The following ZNF570 variants were observed in gnomAD, a reference collection of about 807,000 sequenced individuals.
ZNF570 encodes the protein zinc finger protein 570.
ZNF570 carries 8 observed loss-of-function variants against 14.2 expected under a neutral mutation model. The observed-to-expected ratio is 0.56, with a 90% CI of 0.33 to 1.02. The LOEUF is 1.02. Ranked by LOEUF, ZNF570 falls within the 50% of genes least tolerant of loss-of-function variation. The pLI is 0.03. For missense variants in ZNF570, 559 were observed against 624.9 expected (o/e 0.89, Z 1.12); for synonymous variants, 202 against 207.6 (o/e 0.97, Z 0.23).
chr19:37,468,788 G>T (rs1363776119), upstream of ZNF570, among the ~76,000 whole-genome samples: 1 of 152,218 alleles, frequency 6.6e-6, no homozygotes, highest in Non-Finnish European at 1.5e-5. Flanking sequence ...TTACAGGCGT[G>T]AGCCACCGTG....
In ZNF570 at chr19:37,486,520, G is replaced by C. The variant is rs187776607; in HGVS notation, c.*1287G>C. 1 of 152,262 alleles carries C rather than the reference G, an allele frequency of 6.6e-6. No individual in the cohort carries two copies. The highest frequency in any genetic ancestry group is 1.9e-4 in the East Asian group (1 of 5,184). The allele number at this position is 152,262 out of a possible 1,614,324, so 9.4% of individuals were successfully genotyped here. On this transcript the variant is annotated 3_prime_UTR_variant, in exon 5 of 5. Transcript: ENST00000330173. ...AATGATAATAGCTAACATGTATTGAGTGCCCACTACACATCAGGCACTGTC... is the reference window on the plus strand; with the variant it reads ...AATGATAATAGCTAACATGTATTGACTGCCCACTACACATCAGGCACTGTC...
intron 4 of ZNF570, among the ~76,000 whole-genome samples, chr19:37,477,288 CGTGTGTGTGTGT>C (rs71177457): frequency 5.2e-5 from 6 of 115,466 alleles, no homozygotes; most frequent in Non-Finnish European, 5.3e-5. Flanking sequence ...GGGAGGTTGT[CGTGTGTGTGTGT>C]GTGTGTGTGT....
upstream of ZNF570, chr19:37,468,077 T>C: frequency 1.4e-6 from 1 of 734,864 alleles, no homozygotes; most frequent in South Asian, 1.8e-5. Flanking sequence ...TCGTGTTTTT[T>C]TTTTTTTGTT....
intron 4 of ZNF570, among the ~76,000 whole-genome samples, chr19:37,477,093 TC>T (rs1410232953): frequency 6.6e-6 from 1 of 152,038 alleles, no homozygotes; most frequent in Non-Finnish European, 1.5e-5. Context: ...TGATGCTATC[TC>T]CAGGTAGACA....
In ZNF570 at chr19:37,485,436, C is replaced by T. The variant is rs143620811; in HGVS notation, c.*203C>T. 4,646 of 524,980 alleles carry T rather than the reference C, an allele frequency of 8.8e-3. 197 individuals carry two copies. The highest frequency in any genetic ancestry group is 0.082 in the African/African-American group (4,151 of 50,798). 32.5% of individuals were successfully genotyped at this position (524,980 alleles called of 1,614,324 possible). A position where few individuals can be genotyped will look rare whatever the true frequency, so the allele number is the denominator to read the frequency against. On this transcript the variant is annotated 3_prime_UTR_variant, in exon 5 of 5. Transcript: ENST00000330173. Reference sequence around the variant, plus strand: ...TTTTTTTTTCTTTTTGAGACAATGTCTTGCTGTGTTGCCCAGGCTGGAGTA... The same window carrying T: ...TTTTTTTTTCTTTTTGAGACAATGTTTTGCTGTGTTGCCCAGGCTGGAGTA...
chr19:37,474,050 A>AG (rs1223072374), intron 2 of ZNF570, among the ~76,000 whole-genome samples: 1 of 152,240 alleles, frequency 6.6e-6, no homozygotes, highest in East Asian at 1.9e-4. Flanking sequence ...ATAGGGCATC[A>AG]GGGGAAGTCG....
chr19:37,470,163 C>A (rs1038134479), intron 1 of ZNF570, 141 bp from the exon 2 acceptor site: 19 of 667,348 alleles, frequency 2.8e-5, no homozygotes, highest in Non-Finnish European at 4.0e-5. Flanking sequence ...TGTATGCAAA[C>A]AAATTCCTAG....
chr19:37,469,683 T>A, intron 1 of ZNF570, 126 bp downstream of exon 1: 1 of 1,010,486 alleles, frequency 9.9e-7, no homozygotes, highest in South Asian at 1.5e-5. Flanking sequence ...CGGGCGACTG[T>A]TCGCTGCACC....
At position 37,476,319 on chromosome 19, in the gene ZNF570, T is replaced by C. The variant is rs763349971; in HGVS notation, c.161-20T>C. On this transcript the variant is annotated intron_variant, in intron 3 of 4. Coordinates refer to ENST00000330173, the MANE Select transcript of ZNF570 (RefSeq NM_144694.5). ...ATCCACAGCATGACAAAACTCTACT[T>C]TTTTTTTTCGTATTTGCAGGACTTT... is the stretch of plus-strand genomic sequence containing the variant. The C allele has an allele frequency of 1.4e-5, 23 of 1,605,738 alleles. No individual in the cohort carries two copies. Among genetic ancestry groups the C allele is most frequent in the Non-Finnish European group, 1.9e-5 (22 of 1,175,090 alleles).
chr19:37,485,084 C>T lies in ZNF570; in HGVS notation c.1462C>T (p.His488Tyr). ...AFSYCGSLAQ[H>Y]QRIHTGERPY... ...TAGTTACTGTGGATCCCTTGCCCAA[C>T]ATCAGAGAATTCATACTGGAGAGAG... Residue 488 changes from histidine to tyrosine, a missense_variant, in exon 5 of 5, where the codon CAT becomes TAT. By Grantham distance (83) the His-to-Tyr change is moderately conservative (BLOSUM62 2). Coordinates refer to ENST00000330173, the MANE Select transcript of ZNF570 (RefSeq NM_144694.5). The T allele has an allele frequency of 6.2e-7, 1 of 1,614,030 alleles. No homozygotes were observed. Among genetic ancestry groups the T allele is most frequent in the Non-Finnish European group, 8.5e-7 (1 of 1,180,010 alleles).
Position 37,469,503 on chromosome 19 carries a change from G to A in ZNF570, c.-106G>A. On this transcript the variant is annotated 5_prime_UTR_variant, in exon 1 of 5. It adds an upstream start codon to the 5' untranslated region. Coordinates refer to ENST00000330173, the MANE Select transcript of ZNF570 (RefSeq NM_144694.5). ...TCGGGAGTGGGCTGAGGAGTGGCGT[G>A]TGGGTCTCCGGAAGCTCGTCGCAGG... is the stretch of plus-strand genomic sequence containing the variant. The A allele has an allele frequency of 6.5e-7, 1 of 1,536,538 alleles. No individual in the cohort carries two copies. The highest frequency in any genetic ancestry group is 1.2e-5 in the South Asian group (1 of 84,062).
intron 4 of ZNF570, among the ~76,000 whole-genome samples, chr19:37,481,325 T>C (rs1451442510): frequency 6.6e-6 from 1 of 152,172 alleles, no homozygotes; most frequent in African/African-American, 2.4e-5. Context: ...GCTAATTTTT[T>C]GTATTTTTAG....
upstream of ZNF570, chr19:37,468,112 C>A: frequency 1.6e-6 from 1 of 638,878 alleles, no homozygotes. Flanking sequence ...TGAGGCAGAG[C>A]CTCACTTTGT....
rs1395685640 is a variant in ZNF570, at chr19:37,476,448, A to AAATTGGCAAAAATCTTT, written c.256+15_256+31dup. The AAATTGGCAAAAATCTTT allele has an allele frequency of 6.2e-6, 10 of 1,610,302 alleles. No individual in the cohort carries two copies. Among genetic ancestry groups the AAATTGGCAAAAATCTTT allele is most frequent in the Middle Eastern group, 1.7e-4 (1 of 6,056 alleles). On this transcript the variant is annotated intron_variant, in intron 4 of 4. Coordinates refer to ENST00000330173, the MANE Select transcript of ZNF570 (RefSeq NM_144694.5). ...GCTTGTGCTCAGGTTAGTGAAGAGG[A>AAATTGGCAAAAATCTTT]AATTGGCAAAAATCTTTGCACGTGA...
At chr19:37,477,209 A>G (rs1033684845) in intron 4 of ZNF570, among the ~76,000 whole-genome samples, 3 of 148,108 alleles carry the variant, frequency 2.0e-5, no homozygotes, top group African/African-American at 7.5e-5. Context: ...TTCTGTGTTT[A>G]TTGTTGTGGT....
chr19:37,484,321 T>C lies in ZNF570; in HGVS notation c.699T>C (p.Leu233=). ...AAGTCTTCAGCCAGAGTTCATCCCT[T>C]ACTCTTCATCAAAGAATTCATACTG... ...CEKVFSQSSS[L]TLHQRIHTGE... The change falls in exon 5 of 5, where the codon CTT becomes CTC. Residue 233 remains leucine, a synonymous_variant. Transcript: ENST00000330173. 6.2e-7 allele frequency: 1 copy of C among 1,613,994 alleles called. No individual in the cohort carries two copies. Among genetic ancestry groups the C allele is most frequent in the Non-Finnish European group, 8.5e-7 (1 of 1,179,994 alleles).
upstream of ZNF570, chr19:37,467,833 G>T: frequency 6.6e-7 from 1 of 1,523,082 alleles, no homozygotes; most frequent in Non-Finnish European, 8.8e-7. Flanking sequence ...TGTGACCATG[G>T]TCGCGTTTTA....
chr19:37,484,355 C>T lies in ZNF570; in HGVS notation c.733C>T (p.Pro245Ser), dbSNP rs894367756. ...LHQRIHTGEK[P>S]YKCIECGKAF... ...TCAAAGAATTCATACTGGAGAGAAA[C>T]CCTATAAATGTATAGAGTGTGGAAA... is the stretch of plus-strand genomic sequence containing the variant. The change falls in exon 5 of 5, where the codon CCC becomes TCC. Residue 245 changes from proline to serine, a missense_variant. Transcript: ENST00000330173. 1.9e-6 allele frequency: 3 copies of T among 1,613,952 alleles called. No homozygotes were observed. In the African/African-American group the frequency reaches 4.0e-5, roughly 22 times the overall value.
At chr19:37,481,406 G>C in intron 4 of ZNF570, among the ~76,000 whole-genome samples, 1 of 152,200 alleles carries the variant, frequency 6.6e-6, no homozygotes, top group East Asian at 1.9e-4. Flanking sequence ...GCCCGCCTCA[G>C]CCTCCCAAAG....
Sources: gnomAD v4.1 joint callset for allele counts (sites outside exome capture counted in the v4.1 genomes callset) on GRCh38, gnomAD v4.1.1 for gene constraint, MANE v1.5 for transcripts, NCBI Gene and HGNC (gene_info 2026-07-23, HGNC 2026-07-21) for gene names.